The following GALNT13 variants were observed in gnomAD, a reference collection of about 807,000 sequenced individuals.
GALNT13 encodes the protein UDP-GalNAc:polypeptide N-acetylgalactosaminyltransferase 13.
Under a neutral mutation model 64.2 loss-of-function variants are expected in GALNT13, and 28 were observed. That is an observed-to-expected ratio of 0.44 (90% CI 0.32 to 0.60). The LOEUF (loss-of-function observed/expected upper bound fraction) is 0.60, where lower values mean the gene tolerates loss of function less well. GALNT13 is among the 20% of genes least tolerant of loss of function. The probability of loss-of-function intolerance (pLI) is 0.05; values close to 1 mark genes in which losing one functional copy is unlikely to be tolerated. For synonymous variants in GALNT13, 214 were observed against 224.6 expected (o/e 0.95, Z 0.42); for missense variants, 577 against 669.8 (o/e 0.86, Z 1.53).
chr2:153,180,483 T>G, the GALNT13 span, among the ~76,000 whole-genome samples: 1 of 152,274 alleles, frequency 6.6e-6, no homozygotes. Context: ...GCCCTGCAGT[T>G]TTGTTTTCTT....
At chr2:153,180,801 C>T in the GALNT13 span, among the ~76,000 whole-genome samples, 1 of 151,620 alleles carries the variant, frequency 6.6e-6, no homozygotes, top group Non-Finnish European at 1.5e-5. Context: ...TCATTCATTT[C>T]TTCTAGGTTA....
chr2:154,067,349 A>G (rs1158612992), intron 3 of GALNT13, among the ~76,000 whole-genome samples: 1 of 152,098 alleles, frequency 6.6e-6, no homozygotes, highest in African/African-American at 2.4e-5. Flanking sequence ...GAGTGGCTGA[A>G]TGGATTTTAA....
At chr2:154,001,830 T>G (rs1695929831) in intron 3 of GALNT13, among the ~76,000 whole-genome samples, 1 of 152,088 alleles carries the variant, frequency 6.6e-6, no homozygotes, top group Non-Finnish European at 1.5e-5. Context: ...CTTTTAGCAT[T>G]TATTCAAAGA....
At chr2:153,416,283 T>C in the GALNT13 span, among the ~76,000 whole-genome samples, 45 of 152,352 alleles carry the variant, frequency 3.0e-4, no homozygotes, top group Non-Finnish European at 1.5e-4. Context: ...CAGTGTCTCA[T>C]AGGTCTCTTC....
At chr2:153,228,558 A>G in the GALNT13 span, among the ~76,000 whole-genome samples, 5 of 152,168 alleles carry the variant, frequency 3.3e-5, no homozygotes, top group African/African-American at 4.8e-5. Context: ...GAACAATGCT[A>G]GATCTTTCTG....
the GALNT13 span, among the ~76,000 whole-genome samples, chr2:153,608,732 CTT>C: frequency 2.7e-5 from 4 of 146,390 alleles, no homozygotes; most frequent in Admixed American, 2.1e-4. Context: ...ATATGTATAA[CTT>C]ATATAAATAT....
At chr2:153,497,003 A>C in the GALNT13 span, among the ~76,000 whole-genome samples, 1 of 151,604 alleles carries the variant, frequency 6.6e-6, no homozygotes, top group African/African-American at 2.4e-5. Context: ...CAAAAAAAAA[A>C]AAAAAAAAAA....
chr2:153,586,336 A>T, the GALNT13 span, among the ~76,000 whole-genome samples: 84 of 152,332 alleles, frequency 5.5e-4, no homozygotes, highest in African/African-American at 2.0e-3. Context: ...ATATAGATTG[A>T]AAGTAAAGGG....
At chr2:153,365,467 G>A in the GALNT13 span, among the ~76,000 whole-genome samples, 8 of 152,192 alleles carry the variant, frequency 5.3e-5, no homozygotes, top group East Asian at 5.8e-4. Context: ...CTACAGAGTC[G>A]GAGAAAATTT....
intron 3 of GALNT13, among the ~76,000 whole-genome samples, chr2:154,071,408 A>T (rs1700735174): frequency 6.6e-6 from 1 of 152,188 alleles, no homozygotes. Flanking sequence ...GGGTCACATG[A>T]CCTTAAATGT....
At chr2:153,170,161 C>G in the GALNT13 span, among the ~76,000 whole-genome samples, 1 of 152,104 alleles carries the variant, frequency 6.6e-6, no homozygotes, top group African/African-American at 2.4e-5. Context: ...ATAGCAAGGT[C>G]AAATTAGAAT....
At chr2:153,939,001 G>A (rs1298409644) in intron 2 of GALNT13, among the ~76,000 whole-genome samples, 1 of 152,076 alleles carries the variant, frequency 6.6e-6, no homozygotes, top group Non-Finnish European at 1.5e-5. Flanking sequence ...TGTAAGAGAA[G>A]CGTAATCCTG....
chr2:153,712,630 G>C, the GALNT13 span, among the ~76,000 whole-genome samples: 1 of 152,212 alleles, frequency 6.6e-6, no homozygotes, highest in South Asian at 2.1e-4. Flanking sequence ...TACTTGCAGA[G>C]GTGAGACTAG....
chr2:153,837,659 C>T, the GALNT13 span, among the ~76,000 whole-genome samples: 1 of 151,944 alleles, frequency 6.6e-6, no homozygotes, highest in Admixed American at 6.6e-5. Context: ...TTTCTTTATC[C>T]ATTCATTTGT....
the GALNT13 span, among the ~76,000 whole-genome samples, chr2:153,369,977 A>G: frequency 6.6e-6 from 1 of 152,170 alleles, no homozygotes; most frequent in Admixed American, 6.5e-5. Flanking sequence ...TGTAACAAGT[A>G]TTTGAGGTTT....
At chr2:154,041,541 G>C (rs1484058126) in intron 3 of GALNT13, among the ~76,000 whole-genome samples, 1 of 140,252 alleles carries the variant, frequency 7.1e-6, no homozygotes, top group African/African-American at 2.4e-5. Flanking sequence ...CAAGAAAAGA[G>C]GTGTGTCATC....
intron 4 of GALNT13, among the ~76,000 whole-genome samples, chr2:154,204,137 C>T (rs1177897879): frequency 6.6e-6 from 1 of 152,130 alleles, no homozygotes; most frequent in Non-Finnish European, 1.5e-5. Context: ...TTCTCTGACA[C>T]ATTTTATCCT....
At chr2:153,499,697 A>C in the GALNT13 span, among the ~76,000 whole-genome samples, 1 of 152,196 alleles carries the variant, frequency 6.6e-6, no homozygotes, top group Non-Finnish European at 1.5e-5. Context: ...CTGGCATGTA[A>C]GCATTGCCTT....
At chr2:153,390,298 C>T in the GALNT13 span, among the ~76,000 whole-genome samples, 1 of 152,066 alleles carries the variant, frequency 6.6e-6, no homozygotes, top group South Asian at 2.1e-4. Flanking sequence ...ACATCACACA[C>T]CAGGGCCTGT....
Sources: allele counts gnomAD v4.1 joint callset (sites outside exome capture counted in the v4.1 genomes callset), GRCh38; gene constraint gnomAD v4.1.1; transcripts MANE v1.5; gene names NCBI Gene and HGNC (gene_info 2026-07-23, HGNC 2026-07-21).